PACRG: variants seen among roughly 807,000 people sequenced by gnomAD.
PACRG encodes the protein parkin coregulated gene protein.
A neutral mutation model predicts 29.7 loss-of-function variants in PACRG; 29 were observed. That is an observed-to-expected ratio of 0.98 (90% CI 0.73 to 1.33). The LOEUF (loss-of-function observed/expected upper bound fraction) is 1.33. Ranked by LOEUF, PACRG falls within the 40% of genes most tolerant of loss-of-function variation. PACRG has a pLI of 0.00. For missense variants in PACRG, 279 were observed against 316.2 expected (o/e 0.88, Z 0.89); for synonymous variants, 116 against 118.7 (o/e 0.98, Z 0.15).
chr6:162,892,268 G>C (rs989668252), intron 2 of PACRG, among the ~76,000 whole-genome samples: 1 of 152,182 alleles, frequency 6.6e-6, no homozygotes, highest in Non-Finnish European at 1.5e-5. Flanking sequence ...ACAGGCACCA[G>C]GCATTGTTGA....
At chr6:163,256,584 C>T (rs560321512) in intron 4 of PACRG, among the ~76,000 whole-genome samples, 2 of 152,258 alleles carry the variant, frequency 1.3e-5, no homozygotes, top group South Asian at 2.1e-4. Context: ...ATGATGGATC[C>T]GTGAGGAAAA....
At chr6:163,221,126 T>A (rs2128159239) in intron 4 of PACRG, among the ~76,000 whole-genome samples, 1 of 152,370 alleles carries the variant, frequency 6.6e-6, no homozygotes, top group South Asian at 2.1e-4. Context: ...TGTAGTGGTC[T>A]GTCTCAGTCA....
chr6:163,068,379 G>C lies in PACRG; in HGVS notation c.463+6058G>C, dbSNP rs532962495. Among the ~76,000 whole-genome samples the C allele has an allele frequency of 3.6e-4, 54 of 152,080 alleles. No individual in the cohort carries two copies. In the South Asian group the frequency reaches 7.1e-3, roughly 20 times the overall value. On this transcript the variant is annotated intron_variant, in intron 3 of 4. Coordinates refer to ENST00000366888, the MANE Select transcript of PACRG (RefSeq NM_001080379.2). ...TTGCTTTGAAAATCTTGATGCATCT[G>C]AATTTCTAGTCATTTGCCTGTGACC... is the stretch of plus-strand genomic sequence containing the variant.
intron 1 of PACRG, among the ~76,000 whole-genome samples, chr6:162,763,947 G>A (rs1291475029): frequency 2.6e-5 from 4 of 152,210 alleles, no homozygotes; most frequent in East Asian, 3.9e-4. Context: ...AACTGTTAAA[G>A]TGTCTGCTCT....
chr6:162,933,743 T>C (rs981505323), intron 2 of PACRG, among the ~76,000 whole-genome samples: 1 of 151,874 alleles, frequency 6.6e-6, no homozygotes, highest in Non-Finnish European at 1.5e-5. Context: ...TAAAGAAATA[T>C]CCAAGGCTGG....
chr6:162,787,229 T>C (rs1784528338), intron 1 of PACRG, among the ~76,000 whole-genome samples: 1 of 152,098 alleles, frequency 6.6e-6, no homozygotes, highest in African/African-American at 2.4e-5. Flanking sequence ...TATAGTTTTA[T>C]TACCTATTGG....
chr6:163,104,012 C>T (rs1214373091), intron 4 of PACRG, among the ~76,000 whole-genome samples: 3 of 152,136 alleles, frequency 2.0e-5, no homozygotes, highest in African/African-American at 7.2e-5. Flanking sequence ...TAAGGTAATT[C>T]TGATCAAAAG....
intron 2 of PACRG, among the ~76,000 whole-genome samples, chr6:163,007,847 AC>A (rs1225315782): frequency 2.0e-5 from 3 of 152,176 alleles, no homozygotes; most frequent in Non-Finnish European, 2.9e-5. Flanking sequence ...CCCAGCTAGA[AC>A]AGAGCGGCCT....
chr6:163,071,793 C>A (rs1238784666), intron 3 of PACRG, among the ~76,000 whole-genome samples: 2 of 150,548 alleles, frequency 1.3e-5, no homozygotes, highest in Non-Finnish European at 3.0e-5. Context: ...TTGGTGGGTA[C>A]AATAAGCAAC....
intron 2 of PACRG, among the ~76,000 whole-genome samples, chr6:162,972,842 T>C (rs1349017850): frequency 2.0e-5 from 3 of 151,592 alleles, no homozygotes; most frequent in African/African-American, 7.3e-5. Context: ...GTAAACAATG[T>C]GCTCTGATAG....
intron 2 of PACRG, among the ~76,000 whole-genome samples, chr6:163,028,391 C>A (rs1052204547): frequency 6.6e-6 from 1 of 152,080 alleles, no homozygotes; most frequent in Non-Finnish European, 1.5e-5. Flanking sequence ...AGATTTTGAT[C>A]ATTTTGCACC....
At chr6:163,196,430 C>A (rs1267676122) in intron 4 of PACRG, among the ~76,000 whole-genome samples, 1 of 152,212 alleles carries the variant, frequency 6.6e-6, no homozygotes, top group Non-Finnish European at 1.5e-5. Context: ...CCTTGCTGTG[C>A]AGCATTGGGG....
intron 4 of PACRG, among the ~76,000 whole-genome samples, chr6:163,268,275 G>A (rs543781091): frequency 3.9e-4 from 59 of 151,982 alleles, no homozygotes; most frequent in Non-Finnish European, 6.0e-4. Context: ...GGTGGCGGGC[G>A]CCTGTAGTCC....
At chr6:162,847,798 CAGG>C (rs1478281762) in intron 2 of PACRG, among the ~76,000 whole-genome samples, 1 of 151,868 alleles carries the variant, frequency 6.6e-6, no homozygotes, top group African/African-American at 2.4e-5. Flanking sequence ...GGGCAGGGCT[CAGG>C]AGGAGGATAG....
chr6:162,912,139 G>A (rs1196906343), intron 2 of PACRG, among the ~76,000 whole-genome samples: 1 of 152,208 alleles, frequency 6.6e-6, no homozygotes, highest in Non-Finnish European at 1.5e-5. Flanking sequence ...GTCAATCCAA[G>A]TTGTTAGAAG....
chr6:162,948,690 A>G (rs1799427369), intron 2 of PACRG, among the ~76,000 whole-genome samples: 2 of 152,124 alleles, frequency 1.3e-5, no homozygotes, highest in South Asian at 4.1e-4. Flanking sequence ...AGTCAACAGC[A>G]AAAAACCCTA....
chr6:162,898,564 A>C (rs1795332921), intron 2 of PACRG, among the ~76,000 whole-genome samples: 1 of 152,226 alleles, frequency 6.6e-6, no homozygotes, highest in African/African-American at 2.4e-5. Flanking sequence ...CCTGAGTTCA[A>C]TCCTGGATCT....
intron 2 of PACRG, among the ~76,000 whole-genome samples, chr6:162,818,631 C>T (rs376171112): frequency 2.3e-4 from 35 of 152,180 alleles, no homozygotes; most frequent in African/African-American, 6.5e-4. Context: ...TATTATAAAC[C>T]ATTCATTTAT....
intron 1 of PACRG, among the ~76,000 whole-genome samples, chr6:162,737,190 G>A (rs773860464): frequency 1.8e-4 from 28 of 151,996 alleles, no homozygotes; most frequent in Admixed American, 7.9e-4. Context: ...TTGACTTCCC[G>A]GACCTTGCCT....
Sources: gnomAD v4.1 joint callset for allele counts (sites outside exome capture counted in the v4.1 genomes callset) on GRCh38, gnomAD v4.1.1 for gene constraint, MANE v1.5 for transcripts, NCBI Gene and HGNC (gene_info 2026-07-23, HGNC 2026-07-21) for gene names.